KLHL32: variants seen among roughly 807,000 people sequenced by gnomAD.
KLHL32 encodes the protein kelch like family member 32.
A neutral mutation model predicts 64.8 loss-of-function variants in KLHL32; 35 were observed. The ratio of observed to expected loss-of-function variants is 0.54; its 90% CI spans 0.41 to 0.72. KLHL32 has a LOEUF of 0.72. Among genes scored for constraint, KLHL32 ranks in the 30% least tolerant of loss-of-function variants. The pLI is 0.00. For synonymous variants in KLHL32, 259 were observed against 281.0 expected, an observed-to-expected ratio of 0.92 and a Z score of 0.78; for missense variants, 589 against 768.5, an observed-to-expected ratio of 0.77 and a Z score of 2.76.
chr6:97,009,746 A>G (rs1780131859), intron 3 of KLHL32, among the ~76,000 whole-genome samples: 1 of 152,226 alleles, frequency 6.6e-6, no homozygotes, highest in Non-Finnish European at 1.5e-5. Context: ...GCTCATACCT[A>G]CTAAAGCATC....
intron 3 of KLHL32, among the ~76,000 whole-genome samples, chr6:97,006,957 AC>A (rs1361589939): frequency 2.0e-5 from 3 of 152,038 alleles, no homozygotes; most frequent in African/African-American, 7.3e-5. Flanking sequence ...GAATCTGAGG[AC>A]TATGTGTCTT....
chr6:96,939,521 G>A (rs1393207435), intron 1 of KLHL32, among the ~76,000 whole-genome samples: 2 of 152,180 alleles, frequency 1.3e-5, no homozygotes, highest in Non-Finnish European at 2.9e-5. Flanking sequence ...CTGCTCTGGA[G>A]GTTGATGAGG....
At chr6:97,106,986 T>C (rs1035294996) in intron 6 of KLHL32, among the ~76,000 whole-genome samples, 2 of 152,108 alleles carry the variant, frequency 1.3e-5, no homozygotes, top group Non-Finnish European at 2.9e-5. Context: ...TTTTCTAATT[T>C]ATTGAATATA....
intron 3 of KLHL32, among the ~76,000 whole-genome samples, chr6:97,011,408 A>T (rs1780389475): frequency 6.6e-6 from 1 of 152,250 alleles, no homozygotes; most frequent in South Asian, 2.1e-4. Context: ...TCTAATAGTG[A>T]TGACAATTAT....
chr6:96,989,815 C>G (rs1379135193), intron 3 of KLHL32, among the ~76,000 whole-genome samples: 5 of 152,036 alleles, frequency 3.3e-5, no homozygotes, highest in African/African-American at 1.2e-4. Flanking sequence ...TTTTGGCTGA[C>G]TGAATTAGTT....
chr6:97,108,450 A>T (rs1203813519), intron 6 of KLHL32, among the ~76,000 whole-genome samples: 4 of 152,088 alleles, frequency 2.6e-5, no homozygotes, highest in Non-Finnish European at 5.9e-5. Context: ...CTTTCCTCTT[A>T]CTGTAGTAGT....
chr6:96,963,478 A>G (rs553531238), intron 1 of KLHL32, among the ~76,000 whole-genome samples: 1 of 152,336 alleles, frequency 6.6e-6, no homozygotes, highest in African/African-American at 2.4e-5. Context: ...TACAAAAGGA[A>G]AACGGTACCC....
At chr6:96,918,291 C>G in the KLHL32 span, among the ~76,000 whole-genome samples, 2 of 152,110 alleles carry the variant, frequency 1.3e-5, no homozygotes, top group African/African-American at 4.8e-5. Flanking sequence ...TTGGGGAATT[C>G]AGGGATGCTA....
At chr6:96,977,495 C>G (rs1775838112) in intron 3 of KLHL32, among the ~76,000 whole-genome samples, 1 of 152,120 alleles carries the variant, frequency 6.6e-6, no homozygotes, top group African/African-American at 2.4e-5. Flanking sequence ...TTTCAGTTAA[C>G]AAGTGACTAA....
rs1789445514 is a variant in KLHL32 at position 97,064,730 on chromosome 6, T to C, written c.411+4T>C. ...ATGCTCCCACTATCTCATCCAGGTA[T>C]GTGAGCTTGCATCCTGCTCATACAC... On this transcript the variant is annotated splice_donor_region_variant and intron_variant, in intron 5 of 10. Coordinates refer to ENST00000369261, the MANE Select transcript of KLHL32 (RefSeq NM_052904.4). 6.2e-7 allele frequency: 1 copy of C among 1,608,968 alleles called. No homozygotes were observed. The highest frequency in any genetic ancestry group is 8.5e-7 in the Non-Finnish European group (1 of 1,175,430).
intron 3 of KLHL32, among the ~76,000 whole-genome samples, chr6:96,986,882 C>T (rs888899697): frequency 1.3e-5 from 2 of 152,222 alleles, no homozygotes; most frequent in African/African-American, 4.8e-5. Flanking sequence ...CACTGTCCTG[C>T]ACCCACTTCC....
At chr6:96,913,601 A>T in the KLHL32 span, among the ~76,000 whole-genome samples, 7 of 152,234 alleles carry the variant, frequency 4.6e-5, no homozygotes, top group Non-Finnish European at 1.0e-4. Flanking sequence ...ACTGCAGTCT[A>T]GATGGGTCGG....
chr6:96,967,558 A>G (rs758844129), intron 2 of KLHL32, among the ~76,000 whole-genome samples: 1 of 152,024 alleles, frequency 6.6e-6, no homozygotes, highest in Admixed American at 6.6e-5. Flanking sequence ...TGGGGAGTAC[A>G]ATGCTTATTC....
chr6:96,991,948 G>T (rs546130587), intron 3 of KLHL32, among the ~76,000 whole-genome samples: 1 of 152,282 alleles, frequency 6.6e-6, no homozygotes, highest in East Asian at 1.9e-4. Flanking sequence ...TAATCACTGT[G>T]CTCCCTCCCC....
chr6:97,031,645 C>CT (rs1783570761), intron 3 of KLHL32, among the ~76,000 whole-genome samples: 1 of 152,062 alleles, frequency 6.6e-6, no homozygotes, highest in East Asian at 1.9e-4. Flanking sequence ...GCAATGTTAA[C>CT]TTTCTAAAAC....
intron 3 of KLHL32, among the ~76,000 whole-genome samples, chr6:96,983,160 C>T (rs1248904282): frequency 6.6e-6 from 1 of 152,226 alleles, no homozygotes; most frequent in Non-Finnish European, 1.5e-5. Flanking sequence ...GTCATTGGTT[C>T]TGTTTATATG....
At chr6:97,030,367 C>T (rs1017608569) in intron 3 of KLHL32, among the ~76,000 whole-genome samples, 1 of 152,204 alleles carries the variant, frequency 6.6e-6, no homozygotes, top group Non-Finnish European at 1.5e-5. Flanking sequence ...GATTTTAGGA[C>T]TCAATTTGCA....
chr6:97,071,582 A>T (rs1013222918), intron 5 of KLHL32, among the ~76,000 whole-genome samples: 1 of 152,030 alleles, frequency 6.6e-6, no homozygotes, highest in African/African-American at 2.4e-5. Flanking sequence ...TTGATATGCC[A>T]CATGCTGCCC....
At chr6:96,906,290 T>C in the KLHL32 span, among the ~76,000 whole-genome samples, 1 of 152,188 alleles carries the variant, frequency 6.6e-6, no homozygotes, top group African/African-American at 2.4e-5. Flanking sequence ...AGTGATTAGT[T>C]GTGAAGCAAT....
Sources: allele counts gnomAD v4.1 joint callset (sites outside exome capture counted in the v4.1 genomes callset), GRCh38; gene constraint gnomAD v4.1.1; transcripts MANE v1.5; gene names NCBI Gene and HGNC (gene_info 2026-07-23, HGNC 2026-07-21).